The following ADAMTS17 variants were observed in gnomAD, a reference collection of about 807,000 sequenced individuals.
The protein encoded by ADAMTS17 is ADAM metallopeptidase with thrombospondin type 1 motif 17.
ADAMTS17 carries 113 observed loss-of-function variants against 141.5 expected under a neutral mutation model. The observed-to-expected ratio is 0.80, with a 90% CI of 0.69 to 0.93. The LOEUF is 0.93. ADAMTS17 is among the 40% of genes least tolerant of loss of function. ADAMTS17 has a pLI of 0.00. For missense variants in ADAMTS17, 1,659 were observed against 1,517.9 expected, an observed-to-expected ratio of 1.09 and a Z score of -1.54; for synonymous variants, 768 against 630.6, an observed-to-expected ratio of 1.22 and a Z score of -3.27.
chr15:100,053,987 C>G lies in ADAMTS17; in HGVS notation c.2205G>C (p.Gln735His). 1 of 1,614,186 alleles carries G rather than the reference C, an allele frequency of 6.2e-7. No homozygotes were observed. Among genetic ancestry groups the G allele is most frequent in the African/African-American group, 1.3e-5 (1 of 75,042 alleles). Residue 735 changes from glutamine to histidine, a missense_variant, in exon 16 of 22, where the codon CAG (glutamine) becomes CAC (histidine). Gln to His is a conservative substitution (Grantham distance 24). Coordinates refer to ENST00000268070, the MANE Select transcript of ADAMTS17 (RefSeq NM_139057.4). ...CATAGCGAACAGTTGTGCCTGCAAT[C>G]TGGAACTCTCCGGGGAGCTCTATCT... is the stretch of plus-strand genomic sequence containing the variant. ...DWKIELPGEF[Q>H]IAGTTVRYVR... is the part of the protein sequence containing the mutation.
intron 7 of ADAMTS17, among the ~76,000 whole-genome samples, chr15:100,210,866 C>G (rs1416714787): frequency 6.6e-6 from 1 of 152,062 alleles, no homozygotes; most frequent in Non-Finnish European, 1.5e-5. Context: ...CTTTGGGCAG[C>G]AGAGATGGGC....
At chr15:100,027,510 C>A (rs757474679) in intron 18 of ADAMTS17, among the ~76,000 whole-genome samples, 9 of 152,226 alleles carry the variant, frequency 5.9e-5, no homozygotes, top group Admixed American at 1.3e-4. Context: ...GGGCCAAATC[C>A]TCCCTGATAC....
chr15:100,109,684 C>G (rs964486740), intron 13 of ADAMTS17, among the ~76,000 whole-genome samples: 2 of 152,098 alleles, frequency 1.3e-5, no homozygotes, highest in African/African-American at 2.4e-5. Context: ...GCCGCTAGGA[C>G]AACTTATAAG....
chr15:100,253,262 T>C (rs1225479281), intron 7 of ADAMTS17, among the ~76,000 whole-genome samples: 1 of 147,558 alleles, frequency 6.8e-6, no homozygotes, highest in Non-Finnish European at 1.5e-5. Flanking sequence ...CAAAGAATGG[T>C]TTCCATTTGA....
At chr15:100,281,097 C>T in intron 4 of ADAMTS17, 132 bp downstream of exon 4, 10 of 1,302,410 alleles carry the variant, frequency 7.7e-6, no homozygotes, top group Non-Finnish European at 1.1e-5. Context: ...CCAGAATTAC[C>T]AGGCTATGTT....
intron 14 of ADAMTS17, among the ~76,000 whole-genome samples, chr15:100,105,276 A>G (rs1033552530): frequency 9.9e-5 from 15 of 152,208 alleles, no homozygotes; most frequent in Admixed American, 8.5e-4. Flanking sequence ...GAGGCTCCCA[A>G]GGAGCAAAAG....
intron 13 of ADAMTS17, among the ~76,000 whole-genome samples, chr15:100,113,183 T>C (rs1351747276): frequency 1.3e-5 from 2 of 152,198 alleles, no homozygotes; most frequent in African/African-American, 2.4e-5. Flanking sequence ...TCCTCGTCTC[T>C]TTCCTGGGAA....
intron 3 of ADAMTS17, among the ~76,000 whole-genome samples, chr15:100,289,203 A>G (rs1463351297): frequency 1.3e-5 from 2 of 152,214 alleles, no homozygotes; most frequent in South Asian, 2.1e-4. Flanking sequence ...TTTAAAGACT[A>G]CTATGAACAC....
chr15:100,335,789 G>C (rs1174390369), intron 2 of ADAMTS17, among the ~76,000 whole-genome samples: 3 of 152,224 alleles, frequency 2.0e-5, no homozygotes, highest in African/African-American at 7.2e-5. Flanking sequence ...ACCCCTGTAT[G>C]GCTGCAGGCA....
At chr15:100,189,018 G>C (rs1205532731) in intron 8 of ADAMTS17, among the ~76,000 whole-genome samples, 1 of 152,232 alleles carries the variant, frequency 6.6e-6, no homozygotes, top group Non-Finnish European at 1.5e-5. Flanking sequence ...TCCACCCCTT[G>C]GATGTCCTTA....
Position 100,155,076 on chromosome 15 carries a change from AAG to A in ADAMTS17, c.1322+102_1322+103del, listed in dbSNP as rs2039368210. On this transcript the variant is annotated intron_variant, in intron 9 of 21. Coordinates refer to ENST00000268070, the MANE Select transcript of ADAMTS17 (RefSeq NM_139057.4). ...TCCTGAGGCTAGATGCAAATCCCAA[AAG>A]AGAGTCATTTCTCCACTTCACACTT... is the stretch of plus-strand genomic sequence containing the variant. The A allele has an allele frequency of 5.1e-6, 8 of 1,569,446 alleles. 1 individual carries two copies. The highest frequency in any genetic ancestry group is 3.4e-5 in the South Asian group (3 of 88,512).
intron 7 of ADAMTS17, 72 bp from the exon 8 acceptor site, chr15:100,199,495 G>C: frequency 7.9e-7 from 1 of 1,264,680 alleles, no homozygotes; most frequent in South Asian, 1.2e-5. Flanking sequence ...AAGTCCGCAC[G>C]GTCAACGTCA....
intron 15 of ADAMTS17, among the ~76,000 whole-genome samples, chr15:100,072,087 TCA>T (rs2034011218): frequency 1.3e-5 from 2 of 150,102 alleles, no homozygotes; most frequent in African/African-American, 4.9e-5. Flanking sequence ...TGTGCAAAAA[TCA>T]CAGTCTTTCT....
intron 8 of ADAMTS17, among the ~76,000 whole-genome samples, chr15:100,157,806 A>G (rs184041232): frequency 7.2e-4 from 110 of 152,270 alleles, no homozygotes; most frequent in African/African-American, 2.5e-3. Flanking sequence ...CCTCAGTGTC[A>G]GGTATCTATC....
chr15:100,317,001 A>G (rs2045585932), intron 3 of ADAMTS17, among the ~76,000 whole-genome samples: 1 of 152,234 alleles, frequency 6.6e-6, no homozygotes, highest in Non-Finnish European at 1.5e-5. Flanking sequence ...CCGGGGAATA[A>G]TAACAGCAAT....
chr15:99,993,128 C>A lies in ADAMTS17; in HGVS notation c.2869G>T (p.Ala957Ser). Residue 957 changes from alanine to serine, a missense_variant, in exon 20 of 22, where the codon GCA becomes TCA. Transcript: ENST00000268070. The surrounding 1 kb of genome is among the most constrained non-coding windows in gnomAD (Gnocchi z 4.3). ...ACTNSQGKCD[A>S]STRPRAEEAC... ...TCCTCGGCTCTCGGCCTCGTGGATG[C>A]GTCGCATTTCCCTTGTGAGTTGGTG... 6.2e-7 allele frequency: 1 copy of A among 1,614,140 alleles called. No individual in the cohort carries two copies.
At position 100,155,197 on chromosome 15, in the gene ADAMTS17, G is replaced by A; in HGVS notation, c.1305C>T (p.Asp435=). Residue 435 remains aspartate (D), a synonymous_variant, in exon 9 of 22, where the codon GAC becomes GAT. Transcript: ENST00000268070. ...DLSWSSCSRD[D]LENFLKSKVS... is the part of the protein sequence containing the mutation. ...GGACTTACTTGAGGAAGTTTTCAAG[G>A]TCATCTCGGCTGCAGGAGGACCAAG... is the stretch of plus-strand genomic sequence containing the variant. The A allele has an allele frequency of 2.5e-6, 4 of 1,614,174 alleles. No homozygotes were observed. Among genetic ancestry groups the A allele is most frequent in the Non-Finnish European group, 3.4e-6 (4 of 1,180,032 alleles).
intron 10 of ADAMTS17, 79 bp from the exon 11 acceptor site, chr15:100,133,394 C>T (rs1485244498): frequency 1.4e-6 from 2 of 1,404,062 alleles, no homozygotes; most frequent in African/African-American, 1.4e-5. Flanking sequence ...AGGTGTGGCC[C>T]AACCACTGTT....
At chr15:100,294,813 G>T (rs763906492) in intron 3 of ADAMTS17, among the ~76,000 whole-genome samples, 1 of 152,196 alleles carries the variant, frequency 6.6e-6, no homozygotes, top group Non-Finnish European at 1.5e-5. Context: ...ACAAAATGTG[G>T]CCGTCCGTGA....
Sources: allele counts gnomAD v4.1 joint callset (sites outside exome capture counted in the v4.1 genomes callset), GRCh38; gene constraint gnomAD v4.1.1; non-coding constraint Gnocchi (gnomAD v3.1); transcripts MANE v1.5; gene names NCBI Gene and HGNC (gene_info 2026-07-23, HGNC 2026-07-21).